MED13L: variants seen among roughly 807,000 people sequenced by gnomAD.
The protein encoded by MED13L is mediator of RNA polymerase II transcription subunit 13-like.
MED13L carries 7 observed loss-of-function variants against 220.9 expected under a neutral mutation model. The observed-to-expected ratio is 0.03, with a 90% CI of 0.02 to 0.06. MED13L has a LOEUF of 0.06. Among genes scored for constraint, MED13L ranks in the 10% least tolerant of loss-of-function variants. The pLI, the probability that MED13L is intolerant of heterozygous loss-of-function variation, is 1.00. For synonymous variants in MED13L, 1,011 were observed against 1,015.2 expected (o/e 1.00, Z 0.08); for missense variants, 1,965 against 2,760.5 (o/e 0.71, Z 6.46).
At chr12:116,036,433 C>T (rs1881199570) in intron 4 of MED13L, among the ~76,000 whole-genome samples, 1 of 152,190 alleles carries the variant, frequency 6.6e-6, no homozygotes, top group Non-Finnish European at 1.5e-5. Flanking sequence ...TGCTCCAGAT[C>T]ATTTTATTCT....
At chr12:116,034,277 A>C (rs1881039477) in intron 4 of MED13L, among the ~76,000 whole-genome samples, 1 of 152,084 alleles carries the variant, frequency 6.6e-6, no homozygotes, top group Non-Finnish European at 1.5e-5. Context: ...GGTGCTTGCC[A>C]TAGGTAGATG....
At chr12:116,192,046 T>C (rs1338980117) in intron 2 of MED13L, among the ~76,000 whole-genome samples, 1 of 152,192 alleles carries the variant, frequency 6.6e-6, no homozygotes, top group Non-Finnish European at 1.5e-5. Context: ...ATCCAAATGC[T>C]AGGAAAGCAG....
intron 4 of MED13L, among the ~76,000 whole-genome samples, chr12:116,078,882 A>T (rs1871019635): frequency 6.6e-6 from 1 of 152,244 alleles, no homozygotes; most frequent in Non-Finnish European, 1.5e-5. Context: ...TAAAAATTTT[A>T]AAAAGAATAT....
At chr12:116,054,844 C>G (rs1868815846) in intron 4 of MED13L, among the ~76,000 whole-genome samples, 1 of 152,122 alleles carries the variant, frequency 6.6e-6, no homozygotes, top group Non-Finnish European at 1.5e-5. Context: ...TTTCAATATT[C>G]CACTCCTAGG....
intron 7 of MED13L, among the ~76,000 whole-genome samples, chr12:116,017,064 G>C (rs1345676137): frequency 6.6e-6 from 1 of 152,116 alleles, no homozygotes; most frequent in African/African-American, 2.4e-5. Context: ...GAAAATTTAG[G>C]CAAATTCATT....
intron 22 of MED13L, 100 bp downstream of exon 22, chr12:115,982,284 T>C: frequency 7.9e-7 from 1 of 1,264,090 alleles, no homozygotes; most frequent in Non-Finnish European, 1.1e-6. Flanking sequence ...ATAATTAACC[T>C]GTACTTCCAT....
At chr12:116,184,883 C>T (rs953486670) in intron 2 of MED13L, among the ~76,000 whole-genome samples, 2 of 152,002 alleles carry the variant, frequency 1.3e-5, no homozygotes, top group African/African-American at 4.8e-5. Context: ...ATGACCTATG[C>T]CTGTTGGAAA....
At chr12:116,250,228 A>G (rs1412416501) in intron 1 of MED13L, among the ~76,000 whole-genome samples, 1 of 151,972 alleles carries the variant, frequency 6.6e-6, no homozygotes, top group Non-Finnish European at 1.5e-5. Context: ...CTCAAAGAAA[A>G]AAACAGTTCC....
In MED13L at chr12:116,237,472, C is replaced by A; in HGVS notation, c.306G>T (p.Leu102=). ...AGAAAAAAACAGAAACCTTACCCTG[C>A]AGTTCATGATGTATTACACCCACTA... is the stretch of plus-strand genomic sequence containing the variant. ...PNLVGVIHHE[L]QVVEEGLWEN... is the part of the protein sequence containing the mutation. Residue 102 remains leucine (L), a synonymous_variant, in exon 2 of 31, where the codon CTG becomes CTT. Transcript: ENST00000281928. 6.2e-7 allele frequency: 1 copy of A among 1,601,956 alleles called. No homozygotes were observed. The highest frequency in any genetic ancestry group is 8.6e-7 in the Non-Finnish European group (1 of 1,168,868).
At chr12:116,113,324 T>C (rs1214784633) in intron 2 of MED13L, among the ~76,000 whole-genome samples, 1 of 151,862 alleles carries the variant, frequency 6.6e-6, no homozygotes, top group Non-Finnish European at 1.5e-5. Flanking sequence ...ACTTCTGATA[T>C]TAAAATCTCC....
At chr12:116,014,685 A>T (rs1879616521) in intron 8 of MED13L, among the ~76,000 whole-genome samples, 1 of 152,160 alleles carries the variant, frequency 6.6e-6, no homozygotes, top group African/African-American at 2.4e-5. Context: ...TCAAAAATGT[A>T]TTGTTAATTA....
At chr12:115,982,319 T>C (rs1205229002) in intron 22 of MED13L, 65 bp downstream of exon 22, 2 of 1,494,866 alleles carry the variant, frequency 1.3e-6, no homozygotes, top group Admixed American at 1.7e-5. Flanking sequence ...CATAGGCCTG[T>C]ATTTATTTTC....
chr12:116,114,456 A>G (rs573337511), intron 2 of MED13L, among the ~76,000 whole-genome samples: 1 of 152,326 alleles, frequency 6.6e-6, no homozygotes, highest in East Asian at 1.9e-4. Context: ...CCTGATTTCT[A>G]CAATTTTAAA....
intron 2 of MED13L, among the ~76,000 whole-genome samples, chr12:116,182,844 G>C (rs1880621748): frequency 6.6e-6 from 1 of 152,072 alleles, no homozygotes; most frequent in African/African-American, 2.4e-5. Flanking sequence ...AGTTCCTGCA[G>C]GACACTTCCA....
At chr12:116,010,911 G>A (rs910559529) in intron 9 of MED13L, among the ~76,000 whole-genome samples, 8 of 148,744 alleles carry the variant, frequency 5.4e-5, no homozygotes, top group South Asian at 2.1e-4. Context: ...ATGGAGTCTC[G>A]CTCTGTCTAG....
chr12:116,274,738 C>T (rs1397777143), intron 1 of MED13L, among the ~76,000 whole-genome samples: 4 of 151,644 alleles, frequency 2.6e-5, no homozygotes, highest in African/African-American at 4.8e-5. Context: ...TTCTACGTTC[C>T]TTTAAAAAAA....
intron 1 of MED13L, among the ~76,000 whole-genome samples, chr12:116,254,660 G>A (rs1312951505): frequency 6.6e-6 from 1 of 151,960 alleles, no homozygotes; most frequent in Non-Finnish European, 1.5e-5. Context: ...TCCTGGCTGA[G>A]GCTGGAGAAC....
At chr12:116,250,609 C>CA (rs560814737) in intron 1 of MED13L, among the ~76,000 whole-genome samples, 5,307 of 70,254 alleles carry the variant, frequency 0.076, 166 homozygotes, top group Middle Eastern at 0.2. Context: ...ACTAAAAATA[C>CA]AAAAAAAAAA....
intron 2 of MED13L, among the ~76,000 whole-genome samples, chr12:116,178,098 C>A (rs1283670482): frequency 1.3e-5 from 2 of 152,000 alleles, no homozygotes; most frequent in African/African-American, 4.8e-5. Context: ...AGGCTGCTCT[C>A]GAACCCATGG....
Sources: allele counts gnomAD v4.1 joint callset (sites outside exome capture counted in the v4.1 genomes callset), GRCh38; gene constraint gnomAD v4.1.1; transcripts MANE v1.5; gene names NCBI Gene and HGNC (gene_info 2026-07-23, HGNC 2026-07-21).